Variants in ANXA8 observed in about 807,000 individuals in gnomAD.
The protein encoded by ANXA8 is annexin A8, also known as VAC-beta.
ANXA8 carries 9 observed loss-of-function variants against 26.8 expected under a neutral mutation model. The ratio of observed to expected loss-of-function variants is 0.34; its 90% CI spans 0.20 to 0.59. The LOEUF (loss-of-function observed/expected upper bound fraction) is 0.59, where lower values mean the gene tolerates loss of function less well. Ranked by LOEUF, ANXA8 falls within the 20% of genes least tolerant of loss-of-function variation. The pLI is 0.84. For missense variants in ANXA8, 83 were observed against 238.5 expected (o/e 0.35, Z 4.29); for synonymous variants, 39 against 94.8 (o/e 0.41, Z 3.42).
the ANXA8 span, among the ~76,000 whole-genome samples, chr10:47,977,688 T>C: frequency 6.6e-6 from 1 of 151,416 alleles, no homozygotes; most frequent in Non-Finnish European, 1.5e-5. Flanking sequence ...AAAAAATTAT[T>C]AACCAGAGGG....
chr10:47,605,880 T>C, the ANXA8 span, among the ~76,000 whole-genome samples: 3 of 142,046 alleles, frequency 2.1e-5, no homozygotes, highest in Non-Finnish European at 4.5e-5. Context: ...CTTTTGAATA[T>C]ATAAAATAGA....
chr10:47,960,612 CAT>C, the ANXA8 span, among the ~76,000 whole-genome samples: 1 of 149,596 alleles, frequency 6.7e-6, no homozygotes, highest in Non-Finnish European at 1.5e-5. Context: ...AGTGAACAGA[CAT>C]ATACAAAAAT....
chr10:47,659,551 C>T, the ANXA8 span, among the ~76,000 whole-genome samples: 1 of 151,284 alleles, frequency 6.6e-6, no homozygotes, highest in African/African-American at 2.5e-5. Context: ...TGGTGCATAC[C>T]TGTAATCCCA....
the ANXA8 span, chr10:47,690,377 T>A: frequency 6.3e-7 from 1 of 1,575,680 alleles, no homozygotes; most frequent in East Asian, 2.2e-5. Context: ...AGTCAAGGTC[T>A]GAAGCAGCAG....
chr10:47,665,161 C>T, the ANXA8 span, among the ~76,000 whole-genome samples: 1 of 148,218 alleles, frequency 6.7e-6, no homozygotes, highest in Non-Finnish European at 1.5e-5. Flanking sequence ...AGTATAGAAA[C>T]TGCAAATTAA....
chr10:47,649,854 T>C, the ANXA8 span, among the ~76,000 whole-genome samples: 1 of 145,718 alleles, frequency 6.9e-6, no homozygotes, highest in Non-Finnish European at 1.5e-5. Flanking sequence ...CTCAGCCTTC[T>C]GAGTAGCTGG....
At chr10:47,720,990 A>AC in the ANXA8 span, among the ~76,000 whole-genome samples, 4 of 138,950 alleles carry the variant, frequency 2.9e-5, 1 homozygote, top group Non-Finnish European at 4.7e-5. Flanking sequence ...CTACCAAAAA[A>AC]AAAAAAAAAA....
At chr10:47,493,601 C>T in the ANXA8 span, among the ~76,000 whole-genome samples, 3 of 150,754 alleles carry the variant, frequency 2.0e-5, no homozygotes, top group African/African-American at 7.4e-5. Flanking sequence ...GGGTACTCTC[C>T]ACCAGTCCCC....
the ANXA8 span, chr10:47,973,502 G>A: frequency 2.0e-5 from 3 of 148,816 alleles, no homozygotes; most frequent in African/African-American, 7.3e-5. Context: ...GCAAACATCT[G>A]ATCCTTCCAC....
At chr10:47,899,402 T>TAG in the ANXA8 span, among the ~76,000 whole-genome samples, 1 of 84,418 alleles carries the variant, frequency 1.2e-5, no homozygotes, top group Non-Finnish European at 2.3e-5. Flanking sequence ...TTTTTTGAGA[T>TAG]AGAGTCTCGT....
chr10:47,687,254 T>C, the ANXA8 span, among the ~76,000 whole-genome samples: 1 of 151,178 alleles, frequency 6.6e-6, no homozygotes, highest in Non-Finnish European at 1.5e-5. Flanking sequence ...ATCTAAGTAT[T>C]CCCACCAACA....
At chr10:47,674,046 A>C in the ANXA8 span, among the ~76,000 whole-genome samples, 18 of 151,794 alleles carry the variant, frequency 1.2e-4, no homozygotes, top group East Asian at 1.9e-4. Flanking sequence ...GTAGAATGTC[A>C]TTCTATTGAT....
At chr10:47,502,825 A>T in the ANXA8 span, 1 of 1,599,206 alleles carries the variant, frequency 6.3e-7, no homozygotes, top group East Asian at 2.3e-5. Context: ...GATGGCTTGG[A>T]CCCAGGCATC....
chr10:47,554,081 G>A, the ANXA8 span, among the ~76,000 whole-genome samples: 1 of 146,746 alleles, frequency 6.8e-6, no homozygotes, highest in African/African-American at 2.5e-5. Flanking sequence ...AGACCAATCT[G>A]GGCAACATAG....
At chr10:47,666,290 C>T in the ANXA8 span, among the ~76,000 whole-genome samples, 5 of 146,892 alleles carry the variant, frequency 3.4e-5, no homozygotes, top group South Asian at 2.1e-4. Flanking sequence ...TTCAAATAAA[C>T]GTTTCAAGAT....
chr10:47,948,986 G>A, the ANXA8 span, among the ~76,000 whole-genome samples: 2 of 139,978 alleles, frequency 1.4e-5, no homozygotes, highest in African/African-American at 5.6e-5. Flanking sequence ...TTTTTGAACT[G>A]AAGTATCAGC....
the ANXA8 span, among the ~76,000 whole-genome samples, chr10:47,721,337 G>C: frequency 1.1e-4 from 16 of 139,748 alleles, 1 homozygote; most frequent in African/African-American, 4.1e-4. Flanking sequence ...TGAATCTTTA[G>C]TTTACAAAAT....
At chr10:47,668,725 C>T in the ANXA8 span, among the ~76,000 whole-genome samples, 3 of 150,976 alleles carry the variant, frequency 2.0e-5, no homozygotes, top group Non-Finnish European at 4.4e-5. Flanking sequence ...TTTTTGTTTT[C>T]CTTTGTTTTC....
chr10:47,558,411 G>A, the ANXA8 span, among the ~76,000 whole-genome samples: 5 of 151,804 alleles, frequency 3.3e-5, no homozygotes, highest in African/African-American at 4.9e-5. Context: ...TTAGCCAGCC[G>A]TGGACTCCTG....
Sources: gnomAD v4.1 joint callset for allele counts (sites outside exome capture counted in the v4.1 genomes callset) on GRCh38, gnomAD v4.1.1 for gene constraint, MANE v1.5 for transcripts, NCBI Gene and HGNC (gene_info 2026-07-23, HGNC 2026-07-21) for gene names.